Variants in SLC7A6OS observed in about 807,000 individuals in gnomAD.
SLC7A6OS encodes solute carrier family 7 member 6 opposite strand.
A neutral mutation model predicts 34.3 loss-of-function variants in SLC7A6OS; 22 were observed. That is an observed-to-expected ratio of 0.64 (90% CI 0.46 to 0.92). SLC7A6OS has a LOEUF of 0.92. Among genes scored for constraint, SLC7A6OS ranks in the 40% least tolerant of loss-of-function variants. The probability of loss-of-function intolerance (pLI) is 0.00; values close to 1 mark genes in which losing one functional copy is unlikely to be tolerated. For missense variants in SLC7A6OS, 434 were observed against 407.7 expected, an observed-to-expected ratio of 1.06 and a Z score of -0.56; for synonymous variants, 199 against 165.0, an observed-to-expected ratio of 1.21 and a Z score of -1.58.
At chr16:68,306,776 C>A (rs1056109985) in intron 2 of SLC7A6OS, among the ~76,000 whole-genome samples, 1 of 152,138 alleles carries the variant, frequency 6.6e-6, no homozygotes, top group African/African-American at 2.4e-5. Context: ...ATAGGAGTAA[C>A]CCACCGTACC....
chr16:68,304,032 C>A lies in SLC7A6OS; in HGVS notation c.672G>T (p.Trp224Cys). ...TGCTCATGGGCCCCCTTACCAGCTC[C>A]CATTCTTGGCTGTAGGGCTGCACGG... is the stretch of plus-strand genomic sequence containing the variant. ...ILSVQPYSQE[W>C]ELVNDDQEPE... is the part of the protein sequence containing the mutation. Residue 224 changes from tryptophan to cysteine, a missense_variant, in exon 3 of 5, where the codon TGG (tryptophan) becomes TGT (cysteine). Physicochemically the swap from Trp to Cys is radical, Grantham distance 215 (BLOSUM62 -2). Transcript: ENST00000263997. 3 of 1,613,304 alleles carry A rather than the reference C, an allele frequency of 1.9e-6. No homozygotes were observed. The South Asian group carries it at 3.3e-5, about 18-fold the overall frequency.
chr16:68,302,840 A>G (rs564456846), intron 3 of SLC7A6OS, among the ~76,000 whole-genome samples: 1 of 152,372 alleles, frequency 6.6e-6, no homozygotes, highest in Admixed American at 6.5e-5. Flanking sequence ...AGGAAGGGCC[A>G]TGCAGTGGTC....
At position 68,301,106 on chromosome 16, in the gene SLC7A6OS, C is replaced by T. The variant is rs540107508; in HGVS notation, c.*169G>A. The T allele has an allele frequency of 7.4e-7, 1 of 1,343,594 alleles. No homozygotes were observed. Among genetic ancestry groups the T allele is most frequent in the African/African-American group, 1.5e-5 (1 of 67,598 alleles). 83.2% of individuals were successfully genotyped at this position (1,343,594 alleles called of 1,614,324 possible). A position where few individuals can be genotyped will look rare whatever the true frequency, so the allele number is the denominator to read the frequency against. ...ACTGTAAGTGGAAAAGACTCACTCC[C>T]CTAACATAAGTTTTCACTGTGGTGG... is the stretch of plus-strand genomic sequence containing the variant. On this transcript the variant is annotated 3_prime_UTR_variant, in exon 5 of 5. Transcript: ENST00000263997.
chr16:68,305,596 G>C (rs1489928276), intron 2 of SLC7A6OS, among the ~76,000 whole-genome samples: 1 of 152,194 alleles, frequency 6.6e-6, no homozygotes, highest in Non-Finnish European at 1.5e-5. Flanking sequence ...GACAAGGGGA[G>C]ACCAATGCTA....
rs146970963 is a variant in SLC7A6OS at position 68,304,468 on chromosome 16, G to A, written c.472-236C>T. 6.3e-4 allele frequency among the ~76,000 whole-genome samples: 96 copies of A among 152,162 alleles called. No individual in the cohort carries two copies. The East Asian group carries it at 0.017, about 27-fold the overall frequency. ...CCCAAGTAGCTGGGACTACAGGTGC[G>A]TGCCACCATGCCTGGCTAATTTTTT... On this transcript the variant is annotated intron_variant, in intron 2 of 4. Coordinates refer to ENST00000263997, the MANE Select transcript of SLC7A6OS (RefSeq NM_032178.3).
In SLC7A6OS at chr16:68,303,885, C is replaced by CCA; in HGVS notation, c.678+140_678+141insTG. ...TATAAAGTCAGGTTCCTAAAAGGCA[C>CCA]TTAGAATAATTTCTTCCTTTTCAGG... On this transcript the variant is annotated intron_variant, in intron 3 of 4. Transcript: ENST00000263997. The CCA allele has an allele frequency of 1.4e-5, 10 of 732,672 alleles. No individual in the cohort carries two copies. The South Asian group carries it at 1.9e-4, about 14-fold the overall frequency. 45.4% of individuals were successfully genotyped at this position (732,672 alleles called of 1,614,324 possible). A position where few individuals can be genotyped will look rare whatever the true frequency, so the allele number is the denominator to read the frequency against.
At chr16:68,306,091 C>G (rs1405566214) in intron 2 of SLC7A6OS, among the ~76,000 whole-genome samples, 2 of 152,160 alleles carry the variant, frequency 1.3e-5, no homozygotes, top group African/African-American at 2.4e-5. Flanking sequence ...AGAAAAATGA[C>G]AGATACAGAA....
rs1167487569 is a variant in SLC7A6OS, at chr16:68,310,927, A to C, written c.-1T>G. On this transcript the variant is annotated 5_prime_UTR_variant, in exon 1 of 5. Transcript: ENST00000263997. ...GTACAGCGGTCCTGGCGGCCTCCAT[A>C]GTGGCTGCCGCTGAGCACTGTGGGA... 4 of 1,576,622 alleles carry C rather than the reference A, an allele frequency of 2.5e-6. No individual in the cohort carries two copies. In the Admixed American group the frequency reaches 5.4e-5, roughly 21 times the overall value.
chr16:68,304,039 T>G lies in SLC7A6OS; in HGVS notation c.665A>C (p.Gln222Pro). 6.2e-7 allele frequency: 1 copy of G among 1,613,500 alleles called. No homozygotes were observed. Among genetic ancestry groups the G allele is most frequent in the Admixed American group, 1.7e-5 (1 of 60,012 alleles). Residue 222 changes from glutamine to proline, a missense_variant, in exon 3 of 5, where the codon CAA becomes CCA. Gln to Pro is a moderately conservative substitution (Grantham distance 76). Coordinates refer to ENST00000263997, the MANE Select transcript of SLC7A6OS (RefSeq NM_032178.3). Reference sequence around the variant, plus strand: ...GGGCCCCCTTACCAGCTCCCATTCTTGGCTGTAGGGCTGCACGGAGAGGAT... The same window carrying G: ...GGGCCCCCTTACCAGCTCCCATTCTGGGCTGTAGGGCTGCACGGAGAGGAT... Reference protein sequence around the residue: ...ENILSVQPYSQEWELVNDDQE... With the variant: ...ENILSVQPYSPEWELVNDDQE...
chr16:68,300,693 A>C lies in SLC7A6OS; in HGVS notation c.*582T>G. On this transcript the variant is annotated 3_prime_UTR_variant, in exon 5 of 5. Coordinates refer to ENST00000263997, the MANE Select transcript of SLC7A6OS (RefSeq NM_032178.3). ...TGTTTCTTGGCCCCACTGCCAAAGGAAGTCAGTCAGTAATTTCACAACCGT... is the reference window on the plus strand; with the variant it reads ...TGTTTCTTGGCCCCACTGCCAAAGGCAGTCAGTCAGTAATTTCACAACCGT... The C allele has an allele frequency of 5.1e-6, 5 of 985,476 alleles. No individual in the cohort carries two copies. The highest frequency in any genetic ancestry group is 4.8e-6 in the Non-Finnish European group (4 of 829,950). The allele number at this position is 985,476 out of a possible 1,614,324, so 61.0% of individuals were successfully genotyped here. A position where few individuals can be genotyped will look rare whatever the true frequency, so the allele number is the denominator to read the frequency against.
At chr16:68,307,689 CT>C (rs61628185) in intron 2 of SLC7A6OS, among the ~76,000 whole-genome samples, 1,637 of 152,250 alleles carry the variant, frequency 0.011, 30 homozygotes, top group African/African-American at 0.038. Context: ...TAATCATTGC[CT>C]TGCCAGCATT....
Position 68,301,850 on chromosome 16 carries a change from C to T in SLC7A6OS, c.800-445G>A, listed in dbSNP as rs558316717. 1.1e-4 allele frequency: 18 copies of T among 158,746 alleles called. No homozygotes were observed. In the South Asian group the frequency reaches 1.3e-3, roughly 12 times the overall value. 9.8% of individuals were successfully genotyped at this position (158,746 alleles called of 1,614,324 possible). On this transcript the variant is annotated intron_variant, in intron 4 of 4. Transcript: ENST00000263997. ...TCTCTCTTCTTTAATATAGTTACTA[C>T]GGGAATTATGTTGTCAGAGCATCTT...
chr16:68,301,093 A>G lies in SLC7A6OS; in HGVS notation c.*182T>C. On this transcript the variant is annotated 3_prime_UTR_variant, in exon 5 of 5. Coordinates refer to ENST00000263997, the MANE Select transcript of SLC7A6OS (RefSeq NM_032178.3). Reference sequence around the variant, plus strand: ...GCAAAGGGGTCCTACTGTAAGTGGAAAAGACTCACTCCCCTAACATAAGTT... The same window carrying G: ...GCAAAGGGGTCCTACTGTAAGTGGAGAAGACTCACTCCCCTAACATAAGTT... 13 of 1,310,754 alleles carry G rather than the reference A, an allele frequency of 9.9e-6. No individual in the cohort carries two copies. The highest frequency in any genetic ancestry group is 1.3e-5 in the Non-Finnish European group (13 of 1,028,240). 81.2% of individuals were successfully genotyped at this position (1,310,754 alleles called of 1,614,324 possible). A position where few individuals can be genotyped will look rare whatever the true frequency, so the allele number is the denominator to read the frequency against.
rs371180388 is a variant in SLC7A6OS, at chr16:68,304,809, G to A, written c.472-577C>T. Among the ~76,000 whole-genome samples, 660 of 152,162 alleles carry A rather than the reference G, an allele frequency of 4.3e-3. 8 individuals carry two copies. Among genetic ancestry groups the A allele is most frequent in the African/African-American group, 0.015 (611 of 41,498 alleles). On this transcript the variant is annotated intron_variant, in intron 2 of 4. Coordinates refer to ENST00000263997, the MANE Select transcript of SLC7A6OS (RefSeq NM_032178.3). ...CTCACACCTATAATCCCAATGCTTC[G>A]GGAAGCCAAGGTGGACAGCTTGCTT...
At position 68,310,723 on chromosome 16, in the gene SLC7A6OS, C is replaced by CA; in HGVS notation, c.192+11dup. ...AAGATGCCCTCCACACCAGCTGCAC[C>CA]ACGCCCAATACCTGGGAGCACACAG... is the stretch of plus-strand genomic sequence containing the variant. On this transcript the variant is annotated intron_variant, in intron 1 of 4. Transcript: ENST00000263997. 6.3e-7 allele frequency: 1 copy of CA among 1,596,984 alleles called. No individual in the cohort carries two copies.
intron 2 of SLC7A6OS, among the ~76,000 whole-genome samples, chr16:68,310,081 T>A (rs566439953): frequency 6.6e-6 from 1 of 152,204 alleles, no homozygotes; most frequent in African/African-American, 2.4e-5. Context: ...TGACACTGAA[T>A]AGACTTGTTT....
In SLC7A6OS at chr16:68,300,726, G is replaced by A; in HGVS notation, c.*549C>T. ...CAGTAATTTCACAACCGTTATCAGA[G>A]TTTGGAAGCAGAAATAGCTGTTAAC... On this transcript the variant is annotated 3_prime_UTR_variant, in exon 5 of 5. Transcript: ENST00000263997. 3.0e-6 allele frequency: 3 copies of A among 985,464 alleles called. No homozygotes were observed. The highest frequency in any genetic ancestry group is 3.6e-6 in the Non-Finnish European group (3 of 829,964). The allele number at this position is 985,464 out of a possible 1,614,324, so 61.0% of individuals were successfully genotyped here.
At position 68,310,886 on chromosome 16, in the gene SLC7A6OS, T is replaced by A; in HGVS notation, c.41A>T (p.Lys14Met). 6.2e-7 allele frequency: 1 copy of A among 1,605,578 alleles called. No homozygotes were observed. Among genetic ancestry groups the A allele is most frequent in the Non-Finnish European group, 8.5e-7 (1 of 1,177,422 alleles). ...AGCCTCCGCCGGCTCCGCACTGCGC[T>A]TCCGCTTCACCCGGAGTACAGCGGT... ...ARTAVLRVKR[K>M]RSAEPAEALV... The change falls in exon 1 of 5, where the codon AAG becomes ATG. Residue 14 changes from lysine to methionine, a missense_variant. Lys to Met is a moderately conservative substitution (Grantham distance 95). Transcript: ENST00000263997.
At chr16:68,303,013 C>T (rs979749712) in intron 3 of SLC7A6OS, among the ~76,000 whole-genome samples, 15 of 152,152 alleles carry the variant, frequency 9.9e-5, no homozygotes, top group African/African-American at 3.6e-4. Flanking sequence ...CCTGTAATCC[C>T]AGCACTTTGG....
Sources: allele counts gnomAD v4.1 joint callset (sites outside exome capture counted in the v4.1 genomes callset), GRCh38; gene constraint gnomAD v4.1.1; transcripts MANE v1.5; gene names NCBI Gene and HGNC (gene_info 2026-07-23, HGNC 2026-07-21).